Variants in TIAM2 observed in about 807,000 individuals in gnomAD.
TIAM2 encodes the protein TIAM Rac1 associated GEF 2.
In TIAM2, 80 loss-of-function variants were observed where a neutral mutation model predicts 152.9. That is an observed-to-expected ratio of 0.52 (90% CI 0.44 to 0.63). The LOEUF is 0.63. TIAM2 is among the 30% of genes least tolerant of loss of function. The pLI is 0.00. For synonymous variants in TIAM2, 804 were observed against 838.0 expected (o/e 0.96, Z 0.70); for missense variants, 1,965 against 2,120.1 (o/e 0.93, Z 1.44).
chr6:155,019,692 T>G (rs914531165), intron 1 of TIAM2, among the ~76,000 whole-genome samples: 1 of 152,230 alleles, frequency 6.6e-6, no homozygotes, highest in African/African-American at 2.4e-5. Context: ...CTGGCTAGTC[T>G]TGGAGAATTT....
At chr6:155,113,520 A>G (rs1778912769) in intron 2 of TIAM2, among the ~76,000 whole-genome samples, 1 of 152,112 alleles carries the variant, frequency 6.6e-6, no homozygotes, top group Admixed American at 6.6e-5. Context: ...CAGGAGTTCG[A>G]GACCAGCCTG....
intron 23 of TIAM2, 136 bp from the exon 24 acceptor site, chr6:155,252,812 T>C: frequency 1.4e-6 from 1 of 701,140 alleles, no homozygotes; most frequent in South Asian, 1.9e-5. Context: ...GCTGATTGAC[T>C]TCTGTGCCCT....
intron 1 of TIAM2, among the ~76,000 whole-genome samples, chr6:155,045,959 C>A (rs573688392): frequency 7.3e-6 from 1 of 136,516 alleles, no homozygotes. Flanking sequence ...AGAGGAGGGG[C>A]GGGCGGGAGG....
chr6:155,257,186 A>T lies in TIAM2; in HGVS notation c.*65A>T. ...CTTTTAAACTGGTGGTAAAGTGGAA[A>T]TTGCAAAAAAAAAAAAAAAAAAAAA... On this transcript the variant is annotated 3_prime_UTR_variant, in exon 27 of 27. Transcript: ENST00000682666. 2.7e-4 allele frequency: 234 copies of T among 851,682 alleles called. No homozygotes were observed. Among genetic ancestry groups the T allele is most frequent in the Non-Finnish European group, 3.5e-4 (209 of 589,128 alleles). 52.8% of individuals were successfully genotyped at this position (851,682 alleles called of 1,614,324 possible).
intron 15 of TIAM2, among the ~76,000 whole-genome samples, chr6:155,228,169 C>T (rs186667462): frequency 2.0e-4 from 30 of 152,310 alleles, no homozygotes; most frequent in African/African-American, 2.4e-5. Flanking sequence ...ACAGCCTGAA[C>T]TGCTAAGCCT....
At chr6:155,063,513 G>A (rs768202368) in intron 1 of TIAM2, among the ~76,000 whole-genome samples, 223 of 152,236 alleles carry the variant, frequency 1.5e-3, no homozygotes, top group Non-Finnish European at 2.6e-3. Context: ...GCCAGGCATG[G>A]TGGCTCATGT....
chr6:155,179,594 C>T, intron 12 of TIAM2, 138 bp downstream of exon 12: 4 of 731,612 alleles, frequency 5.5e-6, no homozygotes, highest in Non-Finnish European at 8.8e-6. Flanking sequence ...AACTTCCTTT[C>T]TCTTCCTTCA....
intron 1 of TIAM2, among the ~76,000 whole-genome samples, chr6:155,072,857 G>A (rs928251039): frequency 2.6e-5 from 4 of 152,148 alleles, no homozygotes; most frequent in African/African-American, 7.2e-5. Flanking sequence ...ATCACCTGTC[G>A]TCAGGGAGCC....
intron 14 of TIAM2, among the ~76,000 whole-genome samples, chr6:155,199,499 T>C (rs1175228573): frequency 1.3e-5 from 2 of 152,258 alleles, no homozygotes; most frequent in Non-Finnish European, 2.9e-5. Flanking sequence ...AAATGGATTC[T>C]AGTTCCTGGC....
chr6:155,095,961 A>AT (rs1035847081), intron 2 of TIAM2, among the ~76,000 whole-genome samples: 1 of 151,944 alleles, frequency 6.6e-6, no homozygotes, highest in African/African-American at 2.4e-5. Context: ...TTCCTGAAGG[A>AT]TTTTTTTTCT....
chr6:155,239,368 G>A (rs566423527), intron 15 of TIAM2, among the ~76,000 whole-genome samples: 34 of 152,308 alleles, frequency 2.2e-4, no homozygotes, highest in African/African-American at 6.3e-4. Flanking sequence ...CCAGTGAGCT[G>A]GCTGCTGGCG....
At chr6:155,118,581 C>T (rs1004803450) in intron 2 of TIAM2, among the ~76,000 whole-genome samples, 4 of 151,622 alleles carry the variant, frequency 2.6e-5, no homozygotes, top group African/African-American at 7.3e-5. Context: ...TACAGGCGCC[C>T]GCCACCACAC....
intron 9 of TIAM2, among the ~76,000 whole-genome samples, chr6:155,172,176 G>A (rs1468579580): frequency 6.6e-6 from 1 of 152,088 alleles, no homozygotes; most frequent in African/African-American, 2.4e-5. Flanking sequence ...ATTTGCAGAC[G>A]TTCACTAGTC....
At chr6:155,041,880 C>T (rs1365089715) in intron 1 of TIAM2, among the ~76,000 whole-genome samples, 1 of 152,186 alleles carries the variant, frequency 6.6e-6, no homozygotes, top group East Asian at 1.9e-4. Flanking sequence ...AAGTGGTCTG[C>T]TGGCACCTAC....
intron 1 of TIAM2, among the ~76,000 whole-genome samples, chr6:154,996,553 C>T (rs557388364): frequency 6.5e-4 from 99 of 152,194 alleles, no homozygotes; most frequent in Admixed American, 9.2e-4. Flanking sequence ...ACAGACAACA[C>T]CGGCTATCTC....
At chr6:155,108,178 C>T (rs961553315) in intron 2 of TIAM2, among the ~76,000 whole-genome samples, 4 of 152,114 alleles carry the variant, frequency 2.6e-5, no homozygotes, top group African/African-American at 9.7e-5. Context: ...AGGCAGGCTA[C>T]GTGGGTTCGT....
At chr6:155,020,270 A>G (rs987574285) in intron 1 of TIAM2, among the ~76,000 whole-genome samples, 1 of 152,196 alleles carries the variant, frequency 6.6e-6, no homozygotes, top group African/African-American at 2.4e-5. Context: ...CACGTCACAG[A>G]GTGATGGATA....
chr6:155,067,642 T>TGATGA (rs560798098), intron 1 of TIAM2, among the ~76,000 whole-genome samples: 13 of 116,652 alleles, frequency 1.1e-4, no homozygotes, highest in Admixed American at 3.9e-4. Context: ...GATGATGATG[T>TGATGA]TGATGATGAT....
intron 15 of TIAM2, among the ~76,000 whole-genome samples, chr6:155,223,527 C>CCT (rs1554243537): frequency 1.5e-5 from 2 of 130,872 alleles, no homozygotes; most frequent in African/African-American, 3.0e-5. Flanking sequence ...ATTTTTTTTT[C>CCT]TTTTTTTTTT....
Sources: allele counts gnomAD v4.1 joint callset (sites outside exome capture counted in the v4.1 genomes callset), GRCh38; gene constraint gnomAD v4.1.1; transcripts MANE v1.5; gene names NCBI Gene and HGNC (gene_info 2026-07-23, HGNC 2026-07-21).